The following CYP46A1 variants were observed in gnomAD, a reference collection of about 807,000 sequenced individuals.
CYP46A1 encodes the protein cholesterol 24-hydroxylase.
A neutral mutation model predicts 63.3 loss-of-function variants in CYP46A1; 20 were observed. That is an observed-to-expected ratio of 0.32 (90% confidence interval 0.22 to 0.46). The LOEUF (loss-of-function observed/expected upper bound fraction) is 0.46. CYP46A1 is among the 20% of genes least tolerant of loss of function. The pLI, the probability that CYP46A1 is intolerant of heterozygous loss-of-function variation, is 1.00. For missense variants in CYP46A1, 445 were observed against 670.8 expected, an observed-to-expected ratio of 0.66 and a Z score of 3.72; for synonymous variants, 268 against 273.6, an observed-to-expected ratio of 0.98 and a Z score of 0.20.
intron 5 of CYP46A1, among the ~76,000 whole-genome samples, chr14:99,702,388 C>T (rs188270858): frequency 6.6e-6 from 1 of 152,184 alleles, no homozygotes; most frequent in Admixed American, 6.5e-5. Flanking sequence ...CACTTTTGGG[C>T]TATTATGAAA....
At chr14:99,687,514 C>T (rs2056504818) in intron 1 of CYP46A1, among the ~76,000 whole-genome samples, 1 of 152,144 alleles carries the variant, frequency 6.6e-6, no homozygotes, top group South Asian at 2.1e-4. Context: ...TGAGCACTCG[C>T]CACCCTGCCC....
Position 99,715,905 on chromosome 14 carries a change from A to G in CYP46A1, c.789A>G (p.Glu263=), listed in dbSNP as rs781623174. The G allele has an allele frequency of 1.9e-6, 3 of 1,597,098 alleles. No individual in the cohort carries two copies. Among genetic ancestry groups the G allele is most frequent in the Non-Finnish European group, 2.6e-6 (3 of 1,170,770 alleles). ...VGRDWVQRRR[E]ALKRGEEVPA... ...GGGACTGGGTCCAGCGCCGCCGGGA[A>G]GCCCTGAAGAGGGGCGAGGAGGTTC... The change falls in exon 8 of 15, where the codon GAA becomes GAG. Residue 263 remains glutamate, a synonymous_variant. Coordinates refer to ENST00000261835, the MANE Select transcript of CYP46A1 (RefSeq NM_006668.2).
intron 10 of CYP46A1, among the ~76,000 whole-genome samples, chr14:99,719,283 C>G (rs113126856): frequency 0.042 from 6,365 of 152,058 alleles, 420 homozygotes; most frequent in African/African-American, 0.14. Context: ...GCAGTCTCAG[C>G]TCACTGCAAC....
At chr14:99,721,393 G>T (rs977908712) in intron 11 of CYP46A1, 70 bp downstream of exon 11, 1 of 1,051,618 alleles carries the variant, frequency 9.5e-7, no homozygotes, top group Non-Finnish European at 1.5e-6. Flanking sequence ...CTTCCTCCCT[G>T]GACCTTTCAG....
intron 5 of CYP46A1, among the ~76,000 whole-genome samples, chr14:99,704,593 T>C (rs1290074898): frequency 6.6e-6 from 1 of 152,268 alleles, no homozygotes; most frequent in Admixed American, 6.5e-5. Context: ...CCTAACGCTG[T>C]AGCCCAGTTT....
intron 7 of CYP46A1, chr14:99,708,161 C>T: frequency 4.2e-6 from 1 of 236,870 alleles, no homozygotes; most frequent in Non-Finnish European, 8.4e-6. Context: ...TGCCAGCACC[C>T]GTGCGCATCA....
intron 1 of CYP46A1, among the ~76,000 whole-genome samples, chr14:99,688,517 G>C (rs1234322728): frequency 6.6e-6 from 1 of 152,118 alleles, no homozygotes; most frequent in Non-Finnish European, 1.5e-5. Flanking sequence ...CAGCTGTTCC[G>C]GGAGGGTAGC....
intron 8 of CYP46A1, 87 bp downstream of exon 8, chr14:99,716,047 T>C (rs2056786887): frequency 6.2e-7 from 1 of 1,610,518 alleles, no homozygotes; most frequent in Non-Finnish European, 8.5e-7. Flanking sequence ...TCTGTTTGGC[T>C]TAAGAGGAGA....
chr14:99,718,800 TTGTG>T (rs973645046), intron 10 of CYP46A1, among the ~76,000 whole-genome samples: 4 of 152,128 alleles, frequency 2.6e-5, no homozygotes, highest in African/African-American at 7.2e-5. Flanking sequence ...AAGTGAAAGA[TTGTG>T]TGAAAATATA....
chr14:99,701,201 GAAA>G (rs971256822), intron 5 of CYP46A1, among the ~76,000 whole-genome samples: 2 of 151,952 alleles, frequency 1.3e-5, no homozygotes, highest in Non-Finnish European at 2.9e-5. Flanking sequence ...ATTGAAGAAA[GAAA>G]AAAAATTTTT....
chr14:99,691,369 C>T, intron 2 of CYP46A1: 1 of 602,772 alleles, frequency 1.7e-6, no homozygotes, highest in South Asian at 2.1e-5. Flanking sequence ...CTTAGACCAG[C>T]CGTCAGAAGC....
intron 2 of CYP46A1, 46 bp downstream of exon 2, chr14:99,691,207 G>A (rs376768277): frequency 6.3e-7 from 1 of 1,595,948 alleles, no homozygotes; most frequent in Non-Finnish European, 8.6e-7. Context: ...AGGTTCCCTT[G>A]GGGCAGCTCC....
In CYP46A1 at chr14:99,722,145, A is replaced by T; in HGVS notation, c.1176+79A>T. ...TGGTGAATTTGGGACTCACCAGGGG[A>T]GCCTGTGGCCCTGTTCCCATCATTG... is the stretch of plus-strand genomic sequence containing the variant. On this transcript the variant is annotated intron_variant, in intron 12 of 14. Coordinates refer to ENST00000261835, the MANE Select transcript of CYP46A1 (RefSeq NM_006668.2). This position sits in a 1 kb window ranked among gnomAD's most constrained non-coding sequence, Gnocchi z 4.6. 1 of 1,071,412 alleles carries T rather than the reference A, an allele frequency of 9.3e-7. No homozygotes were observed. The highest frequency in any genetic ancestry group is 1.4e-6 in the Non-Finnish European group (1 of 718,716). The allele number at this position is 1,071,412 out of a possible 1,614,324, so 66.4% of individuals were successfully genotyped here.
chr14:99,716,303 C>G, intron 9 of CYP46A1, 104 bp downstream of exon 9: 1 of 1,205,564 alleles, frequency 8.3e-7, no homozygotes. Flanking sequence ...GCTATCTGAG[C>G]AGAGCTCACC....
intron 2 of CYP46A1, chr14:99,691,564 G>A: frequency 6.7e-6 from 4 of 594,018 alleles, no homozygotes; most frequent in Non-Finnish European, 1.2e-5. Context: ...TTCCATGGCT[G>A]TGGAAACTGA....
chr14:99,720,734 A>G (rs2056838368), intron 10 of CYP46A1, among the ~76,000 whole-genome samples: 12 of 152,072 alleles, frequency 7.9e-5, no homozygotes, highest in Admixed American at 7.9e-4. Context: ...GGCCCCTGCA[A>G]CATAGTTCCC....
At position 99,725,271 on chromosome 14, in the gene CYP46A1, TGGG is replaced by T; in HGVS notation, c.1177-116_1177-114del. The stretch of plus-strand genomic sequence containing the variant: ...CCAACCTAGATGAGGGGTGAAGACA[TGGG>T]GGGAGGAGAGTGGGACCCACTCTGC... On this transcript the variant is annotated intron_variant, in intron 12 of 14. Transcript: ENST00000261835. This position sits in a 1 kb window ranked among gnomAD's most constrained non-coding sequence, Gnocchi z 4.2. 9.8e-6 allele frequency: 7 copies of T among 717,734 alleles called. No individual in the cohort carries two copies. Among genetic ancestry groups the T allele is most frequent in the Non-Finnish European group, 1.5e-5 (6 of 401,936 alleles). 44.5% of individuals were successfully genotyped at this position (717,734 alleles called of 1,614,324 possible). A position where few individuals can be genotyped will look rare whatever the true frequency, so the allele number is the denominator to read the frequency against.
intron 5 of CYP46A1, among the ~76,000 whole-genome samples, chr14:99,702,069 C>CAAAAA (rs71113217): frequency 2.8e-5 from 2 of 70,744 alleles, no homozygotes; most frequent in African/African-American, 5.6e-5. Context: ...GACTCCATCT[C>CAAAAA]AAAAAAAAAA....
intron 11 of CYP46A1, among the ~76,000 whole-genome samples, chr14:99,721,748 C>G (rs910078584): frequency 6.6e-6 from 1 of 152,060 alleles, no homozygotes; most frequent in Admixed American, 6.5e-5. Context: ...TGTGGCCTTG[C>G]ACACTCCCTT....
Sources: allele counts gnomAD v4.1 joint callset (sites outside exome capture counted in the v4.1 genomes callset), GRCh38; gene constraint gnomAD v4.1.1; non-coding constraint Gnocchi (gnomAD v3.1); transcripts MANE v1.5; gene names NCBI Gene and HGNC (gene_info 2026-07-23, HGNC 2026-07-21).